NXPH1: variants seen among roughly 807,000 people sequenced by gnomAD.
NXPH1 encodes the protein neurexophilin 1, also known as neurexophilin-1.
In NXPH1, 5 loss-of-function variants were observed where a neutral mutation model predicts 23.7. That is an observed-to-expected ratio of 0.21 (90% confidence interval 0.11 to 0.44). NXPH1 has a LOEUF of 0.44. NXPH1 is among the 20% of genes least tolerant of loss of function. The pLI is 0.99. For synonymous variants in NXPH1, 144 were observed against 122.2 expected (o/e 1.18, Z -1.18); for missense variants, 324 against 321.6 (o/e 1.01, Z -0.06).
intron 2 of NXPH1, among the ~76,000 whole-genome samples, chr7:8,488,090 A>C (rs10262072): frequency 0.49 from 75,077 of 151,992 alleles, 19,333 homozygotes; most frequent in East Asian, 0.78. Context: ...TTTGTCTTCC[A>C]TAGTTCTTGC....
intron 2 of NXPH1, among the ~76,000 whole-genome samples, chr7:8,560,642 C>T (rs748501012): frequency 2.0e-5 from 3 of 151,574 alleles, no homozygotes; most frequent in Admixed American, 6.6e-5. Flanking sequence ...TGGGATGAGA[C>T]GTCTGGTTCT....
chr7:8,699,859 G>T (rs1407883725), intron 2 of NXPH1, among the ~76,000 whole-genome samples: 8 of 152,078 alleles, frequency 5.3e-5, no homozygotes, highest in Non-Finnish European at 1.0e-4. Context: ...GGTGATTTGT[G>T]CTGTCTTTGT....
chr7:8,572,836 C>A (rs764416984), intron 2 of NXPH1, among the ~76,000 whole-genome samples: 3 of 151,480 alleles, frequency 2.0e-5, no homozygotes, highest in Non-Finnish European at 4.4e-5. Context: ...TATGAGGCCA[C>A]AGAGAAATAA....
intron 2 of NXPH1, among the ~76,000 whole-genome samples, chr7:8,741,499 C>T (rs549992752): frequency 1.3e-4 from 20 of 152,204 alleles, no homozygotes; most frequent in African/African-American, 4.8e-4. Context: ...CATAATCTCT[C>T]TACCAAGTTA....
intron 2 of NXPH1, among the ~76,000 whole-genome samples, chr7:8,667,484 A>G (rs1486715955): frequency 2.0e-5 from 3 of 148,674 alleles, no homozygotes; most frequent in African/African-American, 7.4e-5. Context: ...TCTCCGCAGC[A>G]TTTTGAATAT....
intron 2 of NXPH1, among the ~76,000 whole-genome samples, chr7:8,601,225 T>A (rs1422750842): frequency 1.3e-5 from 2 of 151,912 alleles, no homozygotes; most frequent in African/African-American, 4.8e-5. Flanking sequence ...GTTACTATCA[T>A]TTCTCTTTTC....
At chr7:8,704,932 G>T (rs1008512102) in intron 2 of NXPH1, among the ~76,000 whole-genome samples, 3 of 152,056 alleles carry the variant, frequency 2.0e-5, no homozygotes, top group Admixed American at 6.6e-5. Flanking sequence ...CTTCCTTCAA[G>T]TTCTGCCCAA....
intron 2 of NXPH1, among the ~76,000 whole-genome samples, chr7:8,633,099 A>G (rs1820159256): frequency 6.6e-6 from 1 of 152,216 alleles, no homozygotes; most frequent in Non-Finnish European, 1.5e-5. Context: ...CATAAAATCA[A>G]TTAATAATGA....
intron 2 of NXPH1, among the ~76,000 whole-genome samples, chr7:8,459,318 A>G (rs1342927538): frequency 6.6e-6 from 1 of 152,120 alleles, no homozygotes; most frequent in Non-Finnish European, 1.5e-5. Context: ...ATTAAAGGCA[A>G]ACACCCTTCA....
chr7:8,676,852 A>G (rs1219949693), intron 2 of NXPH1, among the ~76,000 whole-genome samples: 1 of 152,194 alleles, frequency 6.6e-6, no homozygotes, highest in East Asian at 1.9e-4. Context: ...CAAGAAGTGT[A>G]AAGAGCCAAC....
intron 2 of NXPH1, among the ~76,000 whole-genome samples, chr7:8,457,400 G>A (rs1205945168): frequency 1.3e-5 from 2 of 152,164 alleles, no homozygotes; most frequent in Non-Finnish European, 1.5e-5. Context: ...GCATTGTCAA[G>A]CTATGCAGCA....
chr7:8,611,394 C>T (rs1371815697), intron 2 of NXPH1, among the ~76,000 whole-genome samples: 1 of 152,056 alleles, frequency 6.6e-6, no homozygotes, highest in Non-Finnish European at 1.5e-5. Flanking sequence ...TGGTCAAGAC[C>T]ACCATTCTAC....
chr7:8,654,440 C>G (rs1820541371), intron 2 of NXPH1, among the ~76,000 whole-genome samples: 1 of 152,160 alleles, frequency 6.6e-6, no homozygotes, highest in African/African-American at 2.4e-5. Flanking sequence ...ATTTTCACCA[C>G]TAAAACCACA....
intron 2 of NXPH1, among the ~76,000 whole-genome samples, chr7:8,560,612 G>A (rs865819649): frequency 2.0e-5 from 3 of 151,648 alleles, no homozygotes; most frequent in East Asian, 2.0e-4. Flanking sequence ...AATCAAGGAA[G>A]GGGGAGAGTG....
At chr7:8,708,097 G>T (rs992322440) in intron 2 of NXPH1, among the ~76,000 whole-genome samples, 4 of 152,028 alleles carry the variant, frequency 2.6e-5, no homozygotes, top group Non-Finnish European at 4.4e-5. Flanking sequence ...TGTTACAAAG[G>T]ATTCATCCTA....
At chr7:8,551,633 A>G (rs575762454) in intron 2 of NXPH1, among the ~76,000 whole-genome samples, 2 of 151,520 alleles carry the variant, frequency 1.3e-5, no homozygotes, top group African/African-American at 4.8e-5. Context: ...ATTTTGGAAG[A>G]AGGGAAATGC....
At chr7:8,675,119 G>A (rs1583225457) in intron 2 of NXPH1, among the ~76,000 whole-genome samples, 2 of 152,024 alleles carry the variant, frequency 1.3e-5, no homozygotes, top group East Asian at 1.9e-4. Flanking sequence ...TAGGAACTCT[G>A]GAATCAGAGA....
intron 2 of NXPH1, among the ~76,000 whole-genome samples, chr7:8,461,475 C>T (rs574115156): frequency 6.6e-6 from 1 of 152,130 alleles, no homozygotes; most frequent in Non-Finnish European, 1.5e-5. Context: ...AAGTAGATAG[C>T]GTTATCTAGG....
At chr7:8,604,218 A>G (rs1196924986) in intron 2 of NXPH1, among the ~76,000 whole-genome samples, 3 of 152,160 alleles carry the variant, frequency 2.0e-5, no homozygotes, top group Admixed American at 6.6e-5. Flanking sequence ...TTAAGTTGTT[A>G]TAAAACATCA....
Sources: gnomAD v4.1 joint callset for allele counts (sites outside exome capture counted in the v4.1 genomes callset) on GRCh38, gnomAD v4.1.1 for gene constraint, MANE v1.5 for transcripts, NCBI Gene and HGNC (gene_info 2026-07-23, HGNC 2026-07-21) for gene names.